Variants in ATF7 observed in about 807,000 individuals in gnomAD.
The protein encoded by ATF7 is activating transcription factor 7.
Under a neutral mutation model 50.4 loss-of-function variants are expected in ATF7, and 10 were observed. The ratio of observed to expected loss-of-function variants is 0.20; its 90% CI spans 0.12 to 0.34. The LOEUF (loss-of-function observed/expected upper bound fraction) is 0.34, where lower values mean the gene tolerates loss of function less well. ATF7 is among the 10% of genes least tolerant of loss of function. ATF7 has a pLI of 1.00. For synonymous variants in ATF7, 201 were observed against 226.4 expected (o/e 0.89, Z 1.01); for missense variants, 465 against 613.9 (o/e 0.76, Z 2.56).
chr12:53,541,703 C>T (rs1450966911), intron 4 of ATF7, among the ~76,000 whole-genome samples: 7 of 152,156 alleles, frequency 4.6e-5, no homozygotes, highest in Admixed American at 4.6e-4. Context: ...CAGCTTCCAC[C>T]CAGTGGTCCT....
intron 1 of ATF7, among the ~76,000 whole-genome samples, chr12:53,615,207 C>G (rs1018379420): frequency 8.6e-5 from 13 of 151,802 alleles, no homozygotes; most frequent in Admixed American, 1.3e-4. Flanking sequence ...TATGGTGAAA[C>G]CCCGTCTCTA....
In ATF7 at chr12:53,524,438, A is replaced by G. The variant is rs1295059692; in HGVS notation, c.1125+126T>C. 9.2e-7 allele frequency: 1 copy of G among 1,087,840 alleles called. No individual in the cohort carries two copies. The highest frequency in any genetic ancestry group is 2.5e-5 in the Admixed American group (1 of 39,794). The allele number at this position is 1,087,840 out of a possible 1,614,324, so 67.4% of individuals were successfully genotyped here. A position where few individuals can be genotyped will look rare whatever the true frequency, so the allele number is the denominator to read the frequency against. ...AACTCTGACCGTTAAGAGATTCTTC[A>G]TGGGACAACTAGATCTGTCCTAATT... On this transcript the variant is annotated intron_variant, in intron 10 of 11. Coordinates refer to ENST00000420353, the MANE Select transcript of ATF7 (RefSeq NM_006856.3). The surrounding 1 kb of genome is among the most constrained non-coding windows in gnomAD (Gnocchi z 4.6).
At chr12:53,605,744 A>G (rs1185059851) in intron 1 of ATF7, among the ~76,000 whole-genome samples, 1 of 152,222 alleles carries the variant, frequency 6.6e-6, no homozygotes, top group African/African-American at 2.4e-5. Context: ...CTGACTAGAA[A>G]GGGGATGGCT....
At position 53,517,169 on chromosome 12, in the gene ATF7, T is replaced by C. The variant is rs1592763681; in HGVS notation, c.1420A>G (p.Met474Val). Residue 474 changes from methionine (M) to valine (V), a missense_variant, in exon 12 of 12, where the codon ATG (methionine) becomes GTG (valine). Met to Val is a conservative substitution (Grantham distance 21). Transcript: ENST00000420353. ...LSMPIQSHVI[M>V]TPQSQSAGR ...CCCGCAGACTGGGACTGTGGGGTCATGATTACATGCGATTGTATCGGCATG... is the reference window on the plus strand; with the variant it reads ...CCCGCAGACTGGGACTGTGGGGTCACGATTACATGCGATTGTATCGGCATG... 1.2e-6 allele frequency: 2 copies of C among 1,613,590 alleles called. No individual in the cohort carries two copies. Among genetic ancestry groups the C allele is most frequent in the East Asian group, 2.2e-5 (1 of 44,882 alleles).
chr12:53,608,426 C>T (rs1377190555), intron 1 of ATF7, among the ~76,000 whole-genome samples: 3 of 152,012 alleles, frequency 2.0e-5, no homozygotes, highest in Non-Finnish European at 2.9e-5. Context: ...GAAACAAACA[C>T]GGTGGAAACT....
At chr12:53,566,510 G>A (rs1301514972) in intron 2 of ATF7, among the ~76,000 whole-genome samples, 2 of 152,146 alleles carry the variant, frequency 1.3e-5, no homozygotes, top group African/African-American at 4.8e-5. Context: ...CACTTCTGAT[G>A]TAAGGCTTTT....
At chr12:53,529,957 T>C (rs1369619907) in intron 9 of ATF7, among the ~76,000 whole-genome samples, 1 of 151,928 alleles carries the variant, frequency 6.6e-6, no homozygotes, top group Non-Finnish European at 1.5e-5. Flanking sequence ...TTGGTCAGTC[T>C]GGTCTCGAAC....
chr12:53,568,611 G>A (rs993900953), intron 2 of ATF7, among the ~76,000 whole-genome samples: 1 of 152,218 alleles, frequency 6.6e-6, no homozygotes, highest in African/African-American at 2.4e-5. Context: ...AACTGGTCAA[G>A]TGCTCTAATT....
At chr12:53,563,307 T>C (rs1941259027) in intron 2 of ATF7, among the ~76,000 whole-genome samples, 1 of 152,158 alleles carries the variant, frequency 6.6e-6, no homozygotes, top group African/African-American at 2.4e-5. Flanking sequence ...GGTCTCACAA[T>C]TTTTATCTTT....
At chr12:53,584,135 C>T (rs760657578) in intron 2 of ATF7, among the ~76,000 whole-genome samples, 6 of 152,138 alleles carry the variant, frequency 3.9e-5, no homozygotes, top group Non-Finnish European at 8.8e-5. Context: ...CACTTGCCAC[C>T]ACGCCCAGCT....
intron 1 of ATF7, among the ~76,000 whole-genome samples, chr12:53,613,682 G>C (rs775463940): frequency 6.6e-6 from 1 of 151,540 alleles, no homozygotes; most frequent in Non-Finnish European, 1.5e-5. Context: ...CAACAAGCTC[G>C]GGTAATTTTT....
At chr12:53,587,836 TATATATA>T (rs1364905833) in intron 2 of ATF7, among the ~76,000 whole-genome samples, 6 of 49,060 alleles carry the variant, frequency 1.2e-4, no homozygotes, top group Non-Finnish European at 2.7e-4. Flanking sequence ...TATATATATA[TATATATA>T]TTTTTTTTTT....
chr12:53,621,272 A>C (rs552237916), intron 1 of ATF7, among the ~76,000 whole-genome samples: 1 of 152,218 alleles, frequency 6.6e-6, no homozygotes, highest in African/African-American at 2.4e-5. Context: ...GTTAATGTTA[A>C]CATAATGATA....
At chr12:53,561,328 TTAAAAAAAA>T (rs1565954741) in intron 2 of ATF7, among the ~76,000 whole-genome samples, 2 of 52,258 alleles carry the variant, frequency 3.8e-5, no homozygotes, top group Admixed American at 3.6e-4. Flanking sequence ...GACTGTCTCT[TTAAAAAAAA>T]AAAAAAAAAA....
chr12:53,574,894 G>C (rs1941969184), intron 2 of ATF7: 1 of 340,662 alleles, frequency 2.9e-6, no homozygotes, highest in Non-Finnish European at 5.6e-6. Flanking sequence ...AGTGTGCAGA[G>C]GGTGAGCAAG....
At chr12:53,623,863 G>A (rs11170614) in intron 1 of ATF7, among the ~76,000 whole-genome samples, 17,923 of 152,178 alleles carry the variant, frequency 0.12, 1,125 homozygotes, top group Middle Eastern at 0.14. Flanking sequence ...TTGGAAATGA[G>A]GAAAGGAAAG....
At chr12:53,592,442 A>G (rs1307500209) in intron 2 of ATF7, among the ~76,000 whole-genome samples, 2 of 152,216 alleles carry the variant, frequency 1.3e-5, no homozygotes, top group Non-Finnish European at 2.9e-5. Flanking sequence ...TATTAAAACT[A>G]TTTCTTCTTC....
intron 2 of ATF7, among the ~76,000 whole-genome samples, chr12:53,588,596 G>A (rs910521942): frequency 6.6e-5 from 10 of 152,152 alleles, no homozygotes; most frequent in Non-Finnish European, 1.3e-4. Context: ...GAGCTTATGG[G>A]CATAAAACTA....
chr12:53,589,438 A>G (rs555241611), intron 2 of ATF7, among the ~76,000 whole-genome samples: 1 of 152,324 alleles, frequency 6.6e-6, no homozygotes, highest in Admixed American at 6.5e-5. Flanking sequence ...CCTTCCCTGT[A>G]TGCTTTCTGG....
Sources: gnomAD v4.1 joint callset for allele counts (sites outside exome capture counted in the v4.1 genomes callset) on GRCh38, gnomAD v4.1.1 for gene constraint, Gnocchi (gnomAD v3.1) non-coding constraint, MANE v1.5 for transcripts, NCBI Gene and HGNC (gene_info 2026-07-23, HGNC 2026-07-21) for gene names.